DNAH17: variants seen among roughly 807,000 people sequenced by gnomAD.
DNAH17 encodes axonemal beta dynein heavy chain 17.
Under a neutral mutation model 485.6 loss-of-function variants are expected in DNAH17, and 376 were observed. The observed-to-expected ratio is 0.77, with a 90% CI of 0.71 to 0.84. The LOEUF is 0.84. Among genes scored for constraint, DNAH17 ranks in the 40% least tolerant of loss-of-function variants. The pLI is 0.00. For missense variants in DNAH17, 6,370 were observed against 5,839.3 expected (o/e 1.09, Z -2.96); for synonymous variants, 3,031 against 2,405.9 (o/e 1.26, Z -7.60).
intron 62 of DNAH17, among the ~76,000 whole-genome samples, chr17:78,457,235 G>A (rs1454409116): frequency 1.3e-5 from 2 of 152,170 alleles, no homozygotes; most frequent in Admixed American, 6.5e-5. Flanking sequence ...GCCGGGTGTG[G>A]TGGCACGCAT....
At chr17:78,532,839 G>C (rs1473759172) in intron 19 of DNAH17, 103 bp from the exon 20 acceptor site, 1 of 1,323,080 alleles carries the variant, frequency 7.6e-7, no homozygotes, top group Non-Finnish European at 1.0e-6. Context: ...GTTGGCGAAA[G>C]GGCTTCCAAT....
chr17:78,493,992 C>CA (rs1568148860), intron 41 of DNAH17, 44 bp downstream of exon 41: 1 of 1,585,606 alleles, frequency 6.3e-7, no homozygotes, highest in Admixed American at 1.7e-5. Flanking sequence ...AGCCCTCCCC[C>CA]ACCATGCCGG....
chr17:78,482,095 C>A (rs1047254402), intron 48 of DNAH17, among the ~76,000 whole-genome samples: 7 of 133,136 alleles, frequency 5.3e-5, no homozygotes, highest in South Asian at 2.4e-4. Flanking sequence ...TTTTTTCCCC[C>A]GAGACAGGGT....
chr17:78,498,841 C>T (rs996088552), intron 37 of DNAH17, 167 bp downstream of exon 37: 35 of 498,002 alleles, frequency 7.0e-5, no homozygotes, highest in Middle Eastern at 3.8e-4. Context: ...TTTGCCTAAC[C>T]AGGCTTTGGG....
At chr17:78,449,119 A>G (rs1364747070) in intron 69 of DNAH17, among the ~76,000 whole-genome samples, 1 of 152,210 alleles carries the variant, frequency 6.6e-6, no homozygotes, top group Non-Finnish European at 1.5e-5. Context: ...TTTACTCAGC[A>G]CAACTTACAT....
intron 56 of DNAH17, among the ~76,000 whole-genome samples, chr17:78,465,849 G>C (rs2146552895): frequency 6.7e-6 from 1 of 149,664 alleles, no homozygotes; most frequent in Non-Finnish European, 1.5e-5. Flanking sequence ...CCGTCCGGGA[G>C]GTGAGGGGCG....
chr17:78,501,400 C>A, intron 34 of DNAH17, 56 bp from the exon 35 acceptor site: 1 of 1,534,990 alleles, frequency 6.5e-7, no homozygotes, highest in South Asian at 1.2e-5. Flanking sequence ...CTAGGGCTGC[C>A]TAAGGAAGGC....
intron 49 of DNAH17, 39 bp from the exon 50 acceptor site, chr17:78,479,671 T>C (rs2089262735): frequency 3.7e-6 from 6 of 1,607,330 alleles, no homozygotes; most frequent in Non-Finnish European, 3.4e-6. Flanking sequence ...CAGCCAGCTC[T>C]TGGGGACCTG....
At chr17:78,454,848 T>A in intron 63 of DNAH17, 143 bp from the exon 64 acceptor site, 1 of 691,460 alleles carries the variant, frequency 1.4e-6, no homozygotes, top group South Asian at 1.8e-5. Flanking sequence ...GCCATTTCCA[T>A]CACTCTGGAC....
chr17:78,570,954 G>A lies in DNAH17; in HGVS notation c.912C>T (p.Phe304=), dbSNP rs764711977. 2 of 1,586,244 alleles carry A rather than the reference G, an allele frequency of 1.3e-6. No homozygotes were observed. The highest frequency in any genetic ancestry group is 2.7e-5 in the African/African-American group (2 of 74,198). ...CTCTCCCTTGCCTGCGCACCATCGT[G>A]AAGTCGGCTTGTTCCATCTCCTCCA... ...ILLEEMEQAD[F]TMLPTFIAKV... is the part of the protein sequence containing the mutation. Residue 304 remains phenylalanine, a synonymous_variant, in exon 6 of 81, where the codon TTC becomes TTT. Coordinates refer to ENST00000389840, the MANE Select transcript of DNAH17 (RefSeq NM_173628.4).
chr17:78,464,820 G>A (rs2088334365), intron 56 of DNAH17, among the ~76,000 whole-genome samples: 1 of 152,226 alleles, frequency 6.6e-6, no homozygotes, highest in Non-Finnish European at 1.5e-5. Flanking sequence ...CCCTGGCACA[G>A]GATTGCAGGA....
intron 27 of DNAH17, 24 bp downstream of exon 27, chr17:78,510,360 G>T (rs762480880): frequency 6.2e-7 from 1 of 1,610,016 alleles, no homozygotes; most frequent in East Asian, 2.2e-5. Flanking sequence ...ACGTTGCACA[G>T]ACAGCACCGC....
At chr17:78,444,521 G>C (rs2087198578) in intron 71 of DNAH17, 83 bp downstream of exon 71, 15 of 1,345,200 alleles carry the variant, frequency 1.1e-5, no homozygotes, top group Admixed American at 3.0e-5. Flanking sequence ...CAAGTCCACA[G>C]AGAGTCTAGC....
intron 25 of DNAH17, among the ~76,000 whole-genome samples, chr17:78,516,274 G>A (rs2090776267): frequency 6.6e-6 from 1 of 152,190 alleles, no homozygotes; most frequent in Non-Finnish European, 1.5e-5. Context: ...TGCAAATGCT[G>A]TCATCTCCTG....
intron 25 of DNAH17, among the ~76,000 whole-genome samples, chr17:78,523,547 A>G (rs1354583886): frequency 6.6e-6 from 1 of 152,242 alleles, no homozygotes; most frequent in Non-Finnish European, 1.5e-5. Flanking sequence ...GGAAAAAAAA[A>G]GTCAACTAGA....
chr17:78,575,229 G>A, intron 1 of DNAH17, 147 bp from the exon 2 acceptor site: 1 of 673,760 alleles, frequency 1.5e-6, no homozygotes. Flanking sequence ...CTGTGGTTGG[G>A]TTGGGGTGGG....
Position 78,561,760 on chromosome 17 carries a change from TC to T in DNAH17, c.1789del (p.Glu597ArgfsTer3). On this transcript the variant is annotated frameshift_variant, in exon 12 of 81. Transcript: ENST00000389840. LOFTEE classifies it high-confidence loss of function. ...GQLKWSLELQ[E>X]RLEVSMKHLK... ...GTGTTTCATGGACACCTCTAGCCTC[TC>T]CTGCAGCTCCAGGCTCCATTTGAGC... 1.9e-6 allele frequency: 3 copies of T among 1,612,968 alleles called. No homozygotes were observed. In the South Asian group the frequency reaches 3.3e-5, roughly 18 times the overall value.
rs762480242 is a variant in DNAH17, at chr17:78,505,283, A to C, written c.4956+10T>G. ...CCTGGGTTCCCTGTGTGGTGTGCGC[A>C]CACACTCACCTGCCCCGAGAGGTCG... On this transcript the variant is annotated intron_variant, in intron 31 of 80. Coordinates refer to ENST00000389840, the MANE Select transcript of DNAH17 (RefSeq NM_173628.4). 2 of 1,613,692 alleles carry C rather than the reference A, an allele frequency of 1.2e-6. No homozygotes were observed. The highest frequency in any genetic ancestry group is 1.7e-6 in the Non-Finnish European group (2 of 1,179,806).
rs1424039345 is a variant in DNAH17, at chr17:78,450,382, T to C, written c.10912A>G (p.Lys3638Glu). The stretch of plus-strand genomic sequence containing the variant: ...TCGTTGATTTTAACTTCTGTGATTT[T>C]TGCCTCCACCACCTCGACACAAACA... ...SEIEEKVVEA[K>E]ITEVKINEAR... Residue 3638 changes from lysine (K) to glutamate (E), a missense_variant, in exon 68 of 81, where the codon AAA (lysine) becomes GAA (glutamate). Lys to Glu is a moderately conservative substitution (Grantham distance 56, BLOSUM62 1). Transcript: ENST00000389840. 6.2e-7 allele frequency: 1 copy of C among 1,613,814 alleles called. No homozygotes were observed. The highest frequency in any genetic ancestry group is 8.5e-7 in the Non-Finnish European group (1 of 1,179,884).
Sources: gnomAD v4.1 joint callset for allele counts (sites outside exome capture counted in the v4.1 genomes callset) on GRCh38, gnomAD v4.1.1 for gene constraint, MANE v1.5 for transcripts, NCBI Gene and HGNC (gene_info 2026-07-23, HGNC 2026-07-21) for gene names.